The following SEMA5A variants were observed in gnomAD, a reference collection of about 807,000 sequenced individuals.
The protein encoded by SEMA5A is semaphorin-5A.
A neutral mutation model predicts 135.5 loss-of-function variants in SEMA5A; 55 were observed. The observed-to-expected ratio is 0.41, with a 90% confidence interval of 0.33 to 0.51. SEMA5A has a LOEUF of 0.51. SEMA5A is among the 20% of genes least tolerant of loss of function. The pLI, the probability that SEMA5A is intolerant of heterozygous loss-of-function variation, is 0.37. For synonymous variants in SEMA5A, 580 were observed against 546.5 expected (o/e 1.06, Z -0.85); for missense variants, 1,290 against 1,419.9 (o/e 0.91, Z 1.47).
intron 5 of SEMA5A, among the ~76,000 whole-genome samples, chr5:9,294,956 G>A (rs2189642): frequency 0.11 from 17,078 of 152,012 alleles, 1,071 homozygotes; most frequent in South Asian, 0.19. Context: ...CATCACTCAA[G>A]GTCACTAGCG....
rs1204894103 is a variant in SEMA5A, at chr5:9,525,687, T to G, written c.-175+19897A>C. The stretch of plus-strand genomic sequence containing the variant: ...CAAAATGCCCCCATTTGGTTCCAGG[T>G]CCTGTCCCTGCTAAAATCCTCACAT... On this transcript the variant is annotated intron_variant, in intron 1 of 22. Transcript: ENST00000382496. Among the ~76,000 whole-genome samples the G allele has an allele frequency of 2.0e-5, 3 of 152,330 alleles. No individual in the cohort carries two copies. In the East Asian group the frequency reaches 5.8e-4, roughly 29 times the overall value.
chr5:9,323,017 G>A (rs990471374), intron 4 of SEMA5A, among the ~76,000 whole-genome samples: 15 of 152,182 alleles, frequency 9.9e-5, no homozygotes, highest in African/African-American at 3.6e-4. Flanking sequence ...TGGCTGTGAT[G>A]TATGTCTCCC....
rs540937845 is a variant in SEMA5A at position 9,454,013 on chromosome 5, G to T, written c.-174-16161C>A. 1.7e-3 allele frequency among the ~76,000 whole-genome samples: 260 copies of T among 152,238 alleles called. 1 individual carries two copies. Among genetic ancestry groups the T allele is most frequent in the African/African-American group, 6.1e-3 (253 of 41,544 alleles). ...CAAAGTACTAGCCTTCTTGCTTCAG[G>T]GGAGCACAGAACTTATCTTGCTAAC... is the stretch of plus-strand genomic sequence containing the variant. On this transcript the variant is annotated intron_variant, in intron 1 of 22. Coordinates refer to ENST00000382496, the MANE Select transcript of SEMA5A (RefSeq NM_003966.3).
At chr5:9,214,723 C>T (rs533218629) in intron 8 of SEMA5A, among the ~76,000 whole-genome samples, 1 of 152,338 alleles carries the variant, frequency 6.6e-6, no homozygotes, top group South Asian at 2.1e-4. Context: ...TCTGCCCACA[C>T]ATTCTGATGA....
chr5:9,512,088 T>C (rs551758161), intron 1 of SEMA5A: 2 of 152,344 alleles, frequency 1.3e-5, no homozygotes, highest in Admixed American at 6.5e-5. Context: ...CTTATGTTCC[T>C]GGCAATGAAA....
intron 13 of SEMA5A, among the ~76,000 whole-genome samples, chr5:9,130,253 T>C (rs1056644151): frequency 1.3e-5 from 2 of 152,206 alleles, no homozygotes; most frequent in African/African-American, 4.8e-5. Flanking sequence ...ACCACTATTG[T>C]TTCATGACTT....
At chr5:9,288,470 G>A (rs529821032) in intron 5 of SEMA5A, among the ~76,000 whole-genome samples, 38 of 152,296 alleles carry the variant, frequency 2.5e-4, no homozygotes, top group African/African-American at 7.7e-4. Context: ...AGCTGGCCGC[G>A]AGAGGGCACA....
Position 9,387,518 on chromosome 5 carries a change from G to T in SEMA5A, c.-77-7495C>A, listed in dbSNP as rs913868298. Among the ~76,000 whole-genome samples the T allele has an allele frequency of 2.0e-5, 3 of 152,192 alleles. No homozygotes were observed. The South Asian group carries it at 6.2e-4, about 31-fold the overall frequency. On this transcript the variant is annotated intron_variant, in intron 2 of 22. Transcript: ENST00000382496. Reference sequence around the variant, plus strand: ...AAGGAAGAAATCCTCCTGAATGGGGGAATATAGAGACTGTCATCTTTAAAG... The same window carrying T: ...AAGGAAGAAATCCTCCTGAATGGGGTAATATAGAGACTGTCATCTTTAAAG...
At chr5:9,206,796 C>T (rs867539903) in intron 8 of SEMA5A, among the ~76,000 whole-genome samples, 67 of 151,150 alleles carry the variant, frequency 4.4e-4, no homozygotes, top group African/African-American at 1.5e-3. Flanking sequence ...TGCCTGTACA[C>T]GATGCCTGTG....
intron 5 of SEMA5A, among the ~76,000 whole-genome samples, chr5:9,277,100 TCAAA>T (rs1341880171): frequency 1.3e-5 from 2 of 151,852 alleles, no homozygotes; most frequent in African/African-American, 2.4e-5. Flanking sequence ...TACAAAGAAC[TCAAA>T]CAAATTTACA....
At chr5:9,144,704 A>T (rs1191775849) in intron 12 of SEMA5A, among the ~76,000 whole-genome samples, 1 of 152,174 alleles carries the variant, frequency 6.6e-6, no homozygotes, top group Admixed American at 6.5e-5. Context: ...GGATAGAGAC[A>T]TGTTCACTTG....
chr5:9,428,122 CTCTATCTATCTA>C (rs70943964), intron 2 of SEMA5A, among the ~76,000 whole-genome samples: 58 of 135,772 alleles, frequency 4.3e-4, no homozygotes, highest in Admixed American at 6.2e-4. Context: ...ATATATTCAA[CTCTATCTATCTA>C]TCTATCTATC....
intron 1 of SEMA5A, among the ~76,000 whole-genome samples, chr5:9,496,843 T>C (rs1735328623): frequency 6.6e-6 from 1 of 152,166 alleles, no homozygotes; most frequent in African/African-American, 2.4e-5. Context: ...TACAGATAAG[T>C]CTATGAGGAT....
At chr5:9,527,657 T>C (rs559791924) in intron 1 of SEMA5A, among the ~76,000 whole-genome samples, 1 of 148,382 alleles carries the variant, frequency 6.7e-6, no homozygotes, top group East Asian at 1.9e-4. Context: ...GCTAACATTA[T>C]GGAGTGCTCA....
chr5:9,122,125 T>A (rs895338482), intron 14 of SEMA5A, among the ~76,000 whole-genome samples: 1 of 152,084 alleles, frequency 6.6e-6, no homozygotes, highest in African/African-American at 2.4e-5. Context: ...AAAAAATAAA[T>A]AAATAAAACA....
intron 10 of SEMA5A, among the ~76,000 whole-genome samples, chr5:9,195,224 G>A (rs1424381869): frequency 1.3e-5 from 2 of 152,130 alleles, no homozygotes; most frequent in Non-Finnish European, 1.5e-5. Flanking sequence ...AGACTGGAGT[G>A]CAGTGGATGG....
At chr5:9,153,233 T>C (rs997434643) in intron 12 of SEMA5A, among the ~76,000 whole-genome samples, 1 of 152,134 alleles carries the variant, frequency 6.6e-6, no homozygotes, top group African/African-American at 2.4e-5. Flanking sequence ...AAATCTGCAA[T>C]TACACCCTGC....
rs1214911142 is a variant in SEMA5A at position 9,044,414 on chromosome 5, T to C, written c.3064A>G (p.Ile1022Val). Residue 1022 changes from isoleucine to valine, a missense_variant, in exon 22 of 23, where the codon ATC becomes GTC. By Grantham distance (29) the Ile-to-Val change is conservative. Transcript: ENST00000382496. ...GAGTCGTACTTGTCCAGTTTGTTGATGTGGTTGGTTATGCTGGTATTAAGG... is the reference window on the plus strand; with the variant it reads ...GAGTCGTACTTGTCCAGTTTGTTGACGTGGTTGGTTATGCTGGTATTAAGG... ...APLNTSITNH[I>V]NKLDKYDSVE... 9 of 1,613,564 alleles carry C rather than the reference T, an allele frequency of 5.6e-6. No individual in the cohort carries two copies. In the East Asian group the frequency reaches 1.3e-4, roughly 24 times the overall value.
intron 11 of SEMA5A, among the ~76,000 whole-genome samples, chr5:9,181,674 T>G (rs1744518974): frequency 6.6e-6 from 1 of 152,170 alleles, no homozygotes; most frequent in South Asian, 2.1e-4. Context: ...GGGATGGGAT[T>G]GATAGAAACA....
Sources: gnomAD v4.1 joint callset for allele counts (sites outside exome capture counted in the v4.1 genomes callset) on GRCh38, gnomAD v4.1.1 for gene constraint, MANE v1.5 for transcripts, NCBI Gene and HGNC (gene_info 2026-07-23, HGNC 2026-07-21) for gene names.